The following CYP39A1 variants were observed in gnomAD, a reference collection of about 807,000 sequenced individuals.
CYP39A1 encodes the protein cytochrome P450 family 39 subfamily A member 1.
In CYP39A1, 49 loss-of-function variants were observed where a neutral mutation model predicts 58.1. The ratio of observed to expected loss-of-function variants is 0.84; its 90% CI spans 0.67 to 1.07. The LOEUF (loss-of-function observed/expected upper bound fraction) is 1.07. CYP39A1 is among the 50% of genes least tolerant of loss of function. The pLI is 0.00. For synonymous variants in CYP39A1, 209 were observed against 187.6 expected (o/e 1.11, Z -0.93); for missense variants, 531 against 539.4 (o/e 0.98, Z 0.16).
intron 1 of CYP39A1, among the ~76,000 whole-genome samples, chr6:46,649,743 G>T (rs1159480309): frequency 6.6e-6 from 1 of 152,140 alleles, no homozygotes; most frequent in African/African-American, 2.4e-5. Context: ...AGTGAGAACT[G>T]GGTGGAAGGG....
intron 7 of CYP39A1, among the ~76,000 whole-genome samples, chr6:46,596,410 C>A (rs756416348): frequency 1.3e-5 from 2 of 152,100 alleles, no homozygotes; most frequent in Non-Finnish European, 2.9e-5. Flanking sequence ...ATAGCTAAGA[C>A]AGTCCTTGTC....
At chr6:46,619,442 T>TA (rs1158595560) in intron 7 of CYP39A1, among the ~76,000 whole-genome samples, 1 of 152,026 alleles carries the variant, frequency 6.6e-6, no homozygotes, top group African/African-American at 2.4e-5. Flanking sequence ...AATACACAAA[T>TA]AAAAAATATT....
At chr6:46,599,091 C>T (rs1276763857) in intron 7 of CYP39A1, among the ~76,000 whole-genome samples, 1 of 152,004 alleles carries the variant, frequency 6.6e-6, no homozygotes, top group East Asian at 1.9e-4. Flanking sequence ...GAATTGGGGG[C>T]CAGGTCTGAG....
At chr6:46,642,990 C>G (rs1034447363) in intron 1 of CYP39A1, among the ~76,000 whole-genome samples, 1 of 152,164 alleles carries the variant, frequency 6.6e-6, no homozygotes, top group Non-Finnish European at 1.5e-5. Flanking sequence ...GTCAACACTT[C>G]TCCATTTGTG....
At chr6:46,631,671 T>C (rs1454895151) in intron 5 of CYP39A1, among the ~76,000 whole-genome samples, 1 of 152,104 alleles carries the variant, frequency 6.6e-6, no homozygotes, top group Non-Finnish European at 1.5e-5. Context: ...CCATTCACCA[T>C]GGGAGACAGA....
At chr6:46,648,196 T>C (rs573972973) in intron 1 of CYP39A1, among the ~76,000 whole-genome samples, 99 of 152,194 alleles carry the variant, frequency 6.5e-4, no homozygotes, top group African/African-American at 2.3e-3. Context: ...CATGCTGCTA[T>C]AAAGACACAT....
chr6:46,584,969 T>G (rs1772379110), intron 10 of CYP39A1, among the ~76,000 whole-genome samples: 1 of 152,134 alleles, frequency 6.6e-6, no homozygotes. Flanking sequence ...GAAACATGTC[T>G]TACTCATGCT....
At chr6:46,646,999 T>G (rs565758660) in intron 1 of CYP39A1, among the ~76,000 whole-genome samples, 1 of 152,112 alleles carries the variant, frequency 6.6e-6, no homozygotes, top group South Asian at 2.1e-4. Flanking sequence ...CTTTCTTTCA[T>G]TGATTTTCCT....
intron 1 of CYP39A1, among the ~76,000 whole-genome samples, chr6:46,647,555 T>C (rs1237132189): frequency 2.0e-5 from 3 of 152,214 alleles, no homozygotes; most frequent in African/African-American, 7.2e-5. Context: ...ATTCTACACC[T>C]GTTGGTGGGA....
At chr6:46,579,039 T>C (rs145590682) in intron 10 of CYP39A1, among the ~76,000 whole-genome samples, 107 of 152,138 alleles carry the variant, frequency 7.0e-4, no homozygotes, top group Non-Finnish European at 1.1e-3. Context: ...TATTGCTGAA[T>C]AACATACATG....
intron 7 of CYP39A1, among the ~76,000 whole-genome samples, chr6:46,621,036 A>G: frequency 6.6e-6 from 1 of 152,298 alleles, no homozygotes; most frequent in South Asian, 2.1e-4. Flanking sequence ...ATTATAAGGC[A>G]TATAATAAGA....
At chr6:46,625,285 T>C in intron 7 of CYP39A1, 133 bp downstream of exon 7, 1 of 601,138 alleles carries the variant, frequency 1.7e-6, no homozygotes, top group East Asian at 2.9e-5. Flanking sequence ...ATTTATATCC[T>C]GATATATAAC....
At chr6:46,639,459 A>C in intron 3 of CYP39A1, 35 bp downstream of exon 3, 1 of 1,593,080 alleles carries the variant, frequency 6.3e-7, no homozygotes, top group Non-Finnish European at 8.5e-7. Flanking sequence ...TTAAAACAAA[A>C]AGCAAGACTA....
chr6:46,588,102 A>T lies in CYP39A1; in HGVS notation c.1093T>A (p.Leu365Met). 1 of 1,598,384 alleles carries T rather than the reference A, an allele frequency of 6.3e-7. No homozygotes were observed. The highest frequency in any genetic ancestry group is 8.5e-7 in the Non-Finnish European group (1 of 1,171,966). The change falls in exon 9 of 12, where the codon TTG (leucine) becomes ATG (methionine). Residue 365 changes from leucine (L) to methionine (M), a missense_variant. Physicochemically the swap from Leu to Met is conservative, Grantham distance 15. Transcript: ENST00000275016. ...TGCAGCCAAAATGGAGACAACATCAACAAGTCACCAGAAGGAATGATGTAA... is the reference window on the plus strand; with the variant it reads ...TGCAGCCAAAATGGAGACAACATCATCAAGTCACCAGAAGGAATGATGTAA... The part of the protein sequence containing the change: ...LNYIIPSGDL[L>M]MLSPFWLHRN...
At chr6:46,617,844 C>T (rs1424271912) in intron 7 of CYP39A1, among the ~76,000 whole-genome samples, 1 of 152,110 alleles carries the variant, frequency 6.6e-6, no homozygotes, top group Non-Finnish European at 1.5e-5. Context: ...TTAGCGCTGA[C>T]TATTAACTAT....
At chr6:46,566,857 C>T (rs1160472119) in intron 10 of CYP39A1, among the ~76,000 whole-genome samples, 1 of 151,562 alleles carries the variant, frequency 6.6e-6, no homozygotes, top group South Asian at 2.1e-4. Context: ...TATACACACA[C>T]ATACATATAT....
At chr6:46,609,493 C>CA (rs1279753718) in intron 7 of CYP39A1, among the ~76,000 whole-genome samples, 3 of 151,446 alleles carry the variant, frequency 2.0e-5, no homozygotes, top group Non-Finnish European at 2.9e-5. Context: ...TTCCTAACAT[C>CA]AAAAAAATTG....
At chr6:46,587,001 G>A (rs993490684) in intron 10 of CYP39A1, 76 bp downstream of exon 10, 1 of 980,984 alleles carries the variant, frequency 1.0e-6, no homozygotes, top group African/African-American at 1.6e-5. Flanking sequence ...AAGAGATTAA[G>A]CCAAAGTTGT....
chr6:46,586,324 C>A, intron 10 of CYP39A1: 1 of 984,124 alleles, frequency 1.0e-6, no homozygotes, highest in Non-Finnish European at 1.2e-6. Flanking sequence ...GAGATTTTGT[C>A]ATAAACAGGT....
Sources: gnomAD v4.1 joint callset for allele counts (sites outside exome capture counted in the v4.1 genomes callset) on GRCh38, gnomAD v4.1.1 for gene constraint, MANE v1.5 for transcripts, NCBI Gene and HGNC (gene_info 2026-07-23, HGNC 2026-07-21) for gene names.